VEPH1: variants seen among roughly 807,000 people sequenced by gnomAD.
VEPH1 encodes ventricular zone expressed PH domain containing 1.
In VEPH1, 80 loss-of-function variants were observed where a neutral mutation model predicts 85.2. The observed-to-expected ratio is 0.94, with a 90% CI of 0.78 to 1.13. The LOEUF is 1.13. Among genes scored for constraint, VEPH1 ranks in the 50% most tolerant of loss-of-function variants. The pLI, the probability that VEPH1 is intolerant of heterozygous loss-of-function variation, is 0.00. For synonymous variants in VEPH1, 297 were observed against 348.0 expected, an observed-to-expected ratio of 0.85 and a Z score of 1.63; for missense variants, 955 against 980.5, an observed-to-expected ratio of 0.97 and a Z score of 0.35.
At chr3:157,344,542 T>C (rs906609803) in intron 9 of VEPH1, among the ~76,000 whole-genome samples, 6 of 151,892 alleles carry the variant, frequency 4.0e-5, no homozygotes, top group Non-Finnish European at 7.4e-5. Context: ...TACAAACAAA[T>C]GGAACATTCC....
chr3:157,319,720 C>G (rs568211342), intron 9 of VEPH1, among the ~76,000 whole-genome samples: 1 of 152,224 alleles, frequency 6.6e-6, no homozygotes, highest in East Asian at 1.9e-4. Context: ...TCTTTTTCCT[C>G]CCTCTAAATT....
intron 4 of VEPH1, chr3:157,436,724 C>T (rs557026089): frequency 2.2e-6 from 1 of 454,770 alleles, no homozygotes; most frequent in East Asian, 4.1e-5. Context: ...CCTCGCTCTC[C>T]CACCCAGCCC....
chr3:157,469,466 G>A (rs1157622535), intron 3 of VEPH1, among the ~76,000 whole-genome samples: 1 of 152,214 alleles, frequency 6.6e-6, no homozygotes, highest in Non-Finnish European at 1.5e-5. Context: ...TGGGAGTGGG[G>A]AGGAGAAAGG....
intron 9 of VEPH1, among the ~76,000 whole-genome samples, chr3:157,363,050 G>T (rs1726220997): frequency 6.6e-6 from 1 of 152,000 alleles, no homozygotes; most frequent in South Asian, 2.1e-4. Flanking sequence ...CCGGCTTCAG[G>T]GTCACAGACC....
intron 6 of VEPH1, among the ~76,000 whole-genome samples, chr3:157,411,090 C>G (rs182467621): frequency 6.6e-5 from 10 of 152,256 alleles, no homozygotes; most frequent in African/African-American, 2.2e-4. Context: ...TCCCCTTCCC[C>G]CTTCCTGCTG....
intron 9 of VEPH1, among the ~76,000 whole-genome samples, chr3:157,334,628 A>G (rs1004138877): frequency 1.3e-5 from 2 of 152,224 alleles, no homozygotes; most frequent in African/African-American, 4.8e-5. Context: ...TTAAAACTAT[A>G]AAAAGATTCA....
At chr3:157,387,512 T>A (rs1292526386) in intron 6 of VEPH1, among the ~76,000 whole-genome samples, 3 of 152,208 alleles carry the variant, frequency 2.0e-5, no homozygotes, top group Admixed American at 6.5e-5. Flanking sequence ...TCAAGATTCA[T>A]CTGATTCCAG....
At chr3:157,298,796 A>T (rs555904224) in intron 11 of VEPH1, among the ~76,000 whole-genome samples, 7 of 152,110 alleles carry the variant, frequency 4.6e-5, no homozygotes, top group African/African-American at 7.2e-5. Flanking sequence ...TTACTGAATT[A>T]AAAAAAACAT....
At chr3:157,420,354 A>G (rs541383572) in intron 5 of VEPH1, among the ~76,000 whole-genome samples, 70 of 152,066 alleles carry the variant, frequency 4.6e-4, no homozygotes, top group African/African-American at 1.5e-3. Context: ...GAAAAAAAAA[A>G]GAGCAATTAT....
rs373769969 is a variant in VEPH1, at chr3:157,363,621, G to C, written c.1478C>G (p.Pro493Arg). 6.2e-7 allele frequency: 1 copy of C among 1,613,950 alleles called. No homozygotes were observed. Among genetic ancestry groups the C allele is most frequent in the Non-Finnish European group, 8.5e-7 (1 of 1,180,002 alleles). The change falls in exon 9 of 14, where the codon CCG becomes CGG. Residue 493 changes from proline (P) to arginine (R), a missense_variant. Physicochemically the swap from Pro to Arg is moderately radical, Grantham distance 103 (BLOSUM62 -2). Coordinates refer to ENST00000362010, the MANE Select transcript of VEPH1 (RefSeq NM_001167912.2). The stretch of plus-strand genomic sequence containing the variant: ...TGATCTCTCAGTGTCTGTCTTAAAC[G>C]GCAGCTTGTCATTTCCTTGGCCAAG... ...DPLGQGNDKL[P>R]FKTDTERSQL...
At chr3:157,320,885 C>T (rs1374053687) in intron 9 of VEPH1, among the ~76,000 whole-genome samples, 4 of 152,106 alleles carry the variant, frequency 2.6e-5, no homozygotes, top group Admixed American at 2.6e-4. Context: ...GCCACTCCTC[C>T]TCCACGATGC....
At chr3:157,313,851 A>T in intron 10 of VEPH1, 96 bp from the exon 11 acceptor site, 1 of 1,409,002 alleles carries the variant, frequency 7.1e-7, no homozygotes, top group Non-Finnish European at 9.7e-7. Context: ...CTTGGTTTGA[A>T]CTTTAACATG....
chr3:157,357,735 C>T (rs191842633), intron 9 of VEPH1, among the ~76,000 whole-genome samples: 2 of 152,284 alleles, frequency 1.3e-5, no homozygotes, highest in East Asian at 3.9e-4. Context: ...TCAGGTGATC[C>T]GCCTGCCTTG....
At position 157,261,152 on chromosome 3, in the gene VEPH1, T is replaced by C. The variant is rs764302428; in HGVS notation, c.2484A>G (p.Glu828=). ...VAQAKERESR[E]VTTYL ...TAAATCCCTACAGATATGTGGTTACTTCTCTACTTTCCCTTTCTTTGGCTT... is the reference window on the plus strand; with the variant it reads ...TAAATCCCTACAGATATGTGGTTACCTCTCTACTTTCCCTTTCTTTGGCTT... The change falls in exon 14 of 14, where the codon GAA becomes GAG. Residue 828 remains glutamate, a synonymous_variant. Coordinates refer to ENST00000362010, the MANE Select transcript of VEPH1 (RefSeq NM_001167912.2). 2.5e-6 allele frequency: 4 copies of C among 1,613,794 alleles called. No individual in the cohort carries two copies. The Admixed American group carries it at 6.7e-5, about 27-fold the overall frequency.
At chr3:157,459,731 G>A in intron 4 of VEPH1, 1 of 1,421,652 alleles carries the variant, frequency 7.0e-7, no homozygotes, top group Non-Finnish European at 9.2e-7. Flanking sequence ...TCCAAATCAT[G>A]TTCACATTTA....
At chr3:157,296,922 A>G (rs1160254301) in intron 11 of VEPH1, among the ~76,000 whole-genome samples, 2 of 152,254 alleles carry the variant, frequency 1.3e-5, no homozygotes, top group South Asian at 4.1e-4. Context: ...TTTTGCCACA[A>G]TCAATTAATG....
At chr3:157,430,590 T>C (rs895771276) in intron 4 of VEPH1, among the ~76,000 whole-genome samples, 33 of 152,216 alleles carry the variant, frequency 2.2e-4, no homozygotes, top group African/African-American at 7.0e-4. Context: ...GAGTCTAATG[T>C]GCTTAGAAGT....
chr3:157,495,299 A>G lies in VEPH1; in HGVS notation c.51T>C (p.Ala17=), dbSNP rs555491463. The G allele has an allele frequency of 6.2e-6, 10 of 1,614,072 alleles. 1 individual carries two copies. In the South Asian group the frequency reaches 9.9e-5, roughly 16 times the overall value. The stretch of plus-strand genomic sequence containing the variant: ...AGTCATCTAAGGAGAAGAGGTCCCC[A>G]GCTCGTGAAAGATCTTTTTGTCCCA... ...LVLGQKDLSR[A]GDLFSLDDSE... The change falls in exon 2 of 14, where the codon GCT becomes GCC. Residue 17 remains alanine (A), a synonymous_variant. Transcript: ENST00000362010.
At chr3:157,316,131 A>C (rs1441986538) in intron 10 of VEPH1, 1 of 152,082 alleles carries the variant, frequency 6.6e-6, no homozygotes, top group Non-Finnish European at 1.5e-5. Context: ...TCAGCATTAA[A>C]ATTCATTATT....
Sources: allele counts gnomAD v4.1 joint callset (sites outside exome capture counted in the v4.1 genomes callset), GRCh38; gene constraint gnomAD v4.1.1; transcripts MANE v1.5; gene names NCBI Gene and HGNC (gene_info 2026-07-23, HGNC 2026-07-21).